SYT9: variants seen among roughly 807,000 people sequenced by gnomAD.
SYT9 encodes the protein synaptotagmin 9, also known as synaptotagmin-9.
Under a neutral mutation model 48.4 loss-of-function variants are expected in SYT9, and 22 were observed. The ratio of observed to expected loss-of-function variants is 0.45; its 90% CI spans 0.32 to 0.65. SYT9 has a LOEUF of 0.65. SYT9 is among the 30% of genes least tolerant of loss of function. SYT9 has a pLI of 0.03. For synonymous variants in SYT9, 265 were observed against 245.0 expected, an observed-to-expected ratio of 1.08 and a Z score of -0.76; for missense variants, 577 against 622.0, an observed-to-expected ratio of 0.93 and a Z score of 0.77.
At chr11:7,315,574 G>A (rs1406379102) in intron 3 of SYT9, among the ~76,000 whole-genome samples, 1 of 152,174 alleles carries the variant, frequency 6.6e-6, no homozygotes, top group African/African-American at 2.4e-5. Context: ...AGCTGGAGAG[G>A]TTATTAGAAA....
intron 2 of SYT9, among the ~76,000 whole-genome samples, chr11:7,310,724 G>A (rs1849117667): frequency 6.6e-6 from 1 of 152,186 alleles, no homozygotes; most frequent in South Asian, 2.1e-4. Context: ...GGGATTACAG[G>A]CATGAGCCAC....
chr11:7,250,679 A>C (rs1438022935), upstream of SYT9, among the ~76,000 whole-genome samples: 2 of 152,170 alleles, frequency 1.3e-5, no homozygotes, highest in Non-Finnish European at 2.9e-5. Context: ...AAGTTCCCTG[A>C]AACCCTAGTA....
intron 1 of SYT9, among the ~76,000 whole-genome samples, chr11:7,272,265 A>G (rs1217931627): frequency 6.6e-6 from 1 of 152,218 alleles, no homozygotes; most frequent in Non-Finnish European, 1.5e-5. Context: ...TAGTTCTATT[A>G]TTAATCCCCT....
upstream of SYT9, among the ~76,000 whole-genome samples, chr11:7,248,391 G>C (rs186902348): frequency 6.6e-6 from 1 of 151,930 alleles, no homozygotes. Flanking sequence ...TCTTGGTCAC[G>C]AAATCCTTGC....
chr11:7,242,202 T>C (rs547997735), intron 1 of SYT9, among the ~76,000 whole-genome samples: 87 of 152,156 alleles, frequency 5.7e-4, no homozygotes, highest in Non-Finnish European at 9.3e-4. Context: ...TCCTCAGAAG[T>C]AGAAAACAAA....
At chr11:7,439,802 C>T (rs1222248866) in intron 6 of SYT9, 1 of 152,216 alleles carries the variant, frequency 6.6e-6, no homozygotes, top group East Asian at 1.9e-4. Flanking sequence ...GCAGCCCTAA[C>T]CACCGAGGTT....
rs142421481 is a variant in SYT9 at position 7,335,999 on chromosome 11, C to T, written c.1044+22058C>T. Among the ~76,000 whole-genome samples the T allele has an allele frequency of 4.4e-3, 665 of 152,236 alleles. 4 individuals carry two copies. Among genetic ancestry groups the T allele is most frequent in the Non-Finnish European group, 7.0e-3 (476 of 68,020 alleles). On this transcript the variant is annotated intron_variant, in intron 3 of 6. Coordinates refer to ENST00000318881, the MANE Select transcript of SYT9 (RefSeq NM_175733.4). ...TCTCTTTTCTCCATAACCTTGCCAG[C>T]GTCTGTTATTTTTTGACTTTTTAGT...
intron 1 of SYT9, among the ~76,000 whole-genome samples, chr11:7,254,890 G>A (rs1249780102): frequency 6.6e-6 from 1 of 152,130 alleles, no homozygotes; most frequent in Non-Finnish European, 1.5e-5. Flanking sequence ...ACAGACCAGC[G>A]GGCCTGAGCC....
chr11:7,387,116 A>G lies in SYT9; in HGVS notation c.1045-28926A>G, dbSNP rs12574519. Among the ~76,000 whole-genome samples the G allele has an allele frequency of 8.1e-4, 124 of 152,198 alleles. 1 individual carries two copies. In the East Asian group the frequency reaches 0.021, roughly 26 times the overall value. ...TGAACAATGAGAACACATGGACACA[A>G]GAAGGGGAACATCACACACCAGGGC... On this transcript the variant is annotated intron_variant, in intron 3 of 6. Coordinates refer to ENST00000318881, the MANE Select transcript of SYT9 (RefSeq NM_175733.4).
intron 3 of SYT9, among the ~76,000 whole-genome samples, chr11:7,384,293 CTT>C (rs1850617761): frequency 6.6e-6 from 1 of 152,060 alleles, no homozygotes; most frequent in South Asian, 2.1e-4. Flanking sequence ...TTTCCATTCT[CTT>C]ATATCTAATT....
chr11:7,449,308 G>A (rs1487700798), intron 6 of SYT9, among the ~76,000 whole-genome samples: 4 of 121,462 alleles, frequency 3.3e-5, no homozygotes, highest in African/African-American at 6.5e-5. Context: ...GGGCAACAGA[G>A]TGAGACTCCA....
At chr11:7,298,838 T>C (rs1334364837) in intron 1 of SYT9, among the ~76,000 whole-genome samples, 2 of 152,136 alleles carry the variant, frequency 1.3e-5, no homozygotes, top group Non-Finnish European at 2.9e-5. Context: ...CAGGCGTGAT[T>C]ACAGGGCATC....
chr11:7,283,485 C>A (rs1269302186), intron 1 of SYT9, among the ~76,000 whole-genome samples: 1 of 151,528 alleles, frequency 6.6e-6, no homozygotes, highest in African/African-American at 2.4e-5. Flanking sequence ...ATGTAAAAAG[C>A]CAACACAAAA....
rs562479190 is a variant in SYT9, at chr11:7,303,151, C to T, written c.258C>T (p.Gly86=). The part of the protein sequence containing the change: ...KLCWVPWRER[G]LPSGSKDNNQ... ...GCTGGGTTCCGTGGCGAGAACGAGG[C>T]CTGCCCTCTGGTAGCAAAGACAACA... Residue 86 remains glycine (G), a synonymous_variant, in exon 2 of 7, where the codon GGC becomes GGT. Transcript: ENST00000318881. The T allele has an allele frequency of 3.7e-6, 6 of 1,614,180 alleles. No homozygotes were observed. In the African/African-American group the frequency reaches 4.0e-5, roughly 11 times the overall value.
intron 6 of SYT9, among the ~76,000 whole-genome samples, chr11:7,463,959 C>T (rs929864601): frequency 3.3e-5 from 5 of 152,134 alleles, no homozygotes; most frequent in Admixed American, 2.0e-4. Context: ...AGTGGTATCC[C>T]TGGGTATGGG....
intron 1 of SYT9, among the ~76,000 whole-genome samples, chr11:7,265,410 C>G (rs1848160489): frequency 6.6e-6 from 1 of 152,120 alleles, no homozygotes; most frequent in Admixed American, 6.5e-5. Flanking sequence ...AGGTATGCAT[C>G]AAAATCAGTT....
upstream of SYT9, among the ~76,000 whole-genome samples, chr11:7,249,551 T>C (rs1847833564): frequency 6.6e-6 from 1 of 152,202 alleles, no homozygotes; most frequent in Non-Finnish European, 1.5e-5. Context: ...AAATAGGAAA[T>C]ATAGCATCAA....
chr11:7,353,240 G>A (rs1339879022), intron 3 of SYT9, among the ~76,000 whole-genome samples: 1 of 151,918 alleles, frequency 6.6e-6, no homozygotes, highest in Admixed American at 6.6e-5. Flanking sequence ...TTTCTTCCTA[G>A]CTCTGGTGTC....
chr11:7,291,991 C>T (rs747238403), intron 1 of SYT9, among the ~76,000 whole-genome samples: 7 of 152,120 alleles, frequency 4.6e-5, no homozygotes, highest in Non-Finnish European at 8.8e-5. Flanking sequence ...AGAGGCAAGA[C>T]TGAGTGTGGC....
Sources: gnomAD v4.1 joint callset for allele counts (sites outside exome capture counted in the v4.1 genomes callset) on GRCh38, gnomAD v4.1.1 for gene constraint, MANE v1.5 for transcripts, NCBI Gene and HGNC (gene_info 2026-07-23, HGNC 2026-07-21) for gene names.